Variants in ZNF232 observed in about 807,000 individuals in gnomAD.
ZNF232 encodes the protein zinc finger and SCAN domain-containing protein 11.
Under a neutral mutation model 25.2 loss-of-function variants are expected in ZNF232, and 25 were observed. The observed-to-expected ratio is 0.99, with a 90% CI of 0.72 to 1.39. The LOEUF is 1.39. Among genes scored for constraint, ZNF232 ranks in the 40% most tolerant of loss-of-function variants. The pLI is 0.00. For synonymous variants in ZNF232, 193 were observed against 182.9 expected (o/e 1.06, Z -0.45); for missense variants, 519 against 520.9 (o/e 1.00, Z 0.04).
rs2143564834 is a variant in ZNF232 at position 5,106,348 on chromosome 17, G to GA, written c.783dup (p.Pro262SerfsTer24). On this transcript the variant is annotated frameshift_variant, in exon 4 of 4. Transcript: ENST00000575898. LOFTEE classifies it low-confidence loss of function (END_TRUNC). ...GACCACCTCAGTCTCTCCGCTTTGG[G>GA]ATTTCTCTGCTGCAGTTCTAAGGTA... 6.2e-7 allele frequency: 1 copy of GA among 1,614,170 alleles called. No individual in the cohort carries two copies. Among genetic ancestry groups the GA allele is most frequent in the East Asian group, 2.2e-5 (1 of 44,886 alleles).
exon 4 of ZNF232, chr17:5,105,819 T>G: frequency 6.4e-7 from 1 of 1,569,102 alleles, no homozygotes; most frequent in South Asian, 1.2e-5. Context: ...GTTCTCCCCT[T>G]CAATTCAATG....
upstream of ZNF232, among the ~76,000 whole-genome samples, chr17:5,115,546 G>A (rs1181581702): frequency 1.6e-5 from 1 of 61,300 alleles, no homozygotes; most frequent in Non-Finnish European, 2.9e-5. Context: ...GCAAGACTCC[G>A]TCTCCAAAAA....
chr17:5,120,909 G>C (rs2072641186), intron 1 of ZNF232: 1 of 454,530 alleles, frequency 2.2e-6, no homozygotes, highest in South Asian at 1.6e-5. Flanking sequence ...GAAACCAGTT[G>C]GACCAGCCCC....
intron 1 of ZNF232, among the ~76,000 whole-genome samples, chr17:5,117,248 G>T (rs934476587): frequency 3.5e-4 from 54 of 152,152 alleles, no homozygotes; most frequent in African/African-American, 1.3e-3. Context: ...CTGGGCGAGG[G>T]GGCTCAAGCC....
chr17:5,118,516 G>A (rs1033412142), intron 1 of ZNF232, among the ~76,000 whole-genome samples: 4 of 152,212 alleles, frequency 2.6e-5, no homozygotes, highest in African/African-American at 9.7e-5. Flanking sequence ...CTCTCTTAGC[G>A]CCACTGTTTG....
chr17:5,122,158 G>A (rs1431931200), intron 1 of ZNF232, among the ~76,000 whole-genome samples: 2 of 151,940 alleles, frequency 1.3e-5, no homozygotes, highest in Non-Finnish European at 2.9e-5. Flanking sequence ...GGTGGCAGGG[G>A]AAGGAAGGTG....
intron 1 of ZNF232, among the ~76,000 whole-genome samples, chr17:5,122,520 T>A (rs1221132111): frequency 6.6e-6 from 1 of 152,208 alleles, no homozygotes; most frequent in Non-Finnish European, 1.5e-5. Flanking sequence ...GGCGGTCCTC[T>A]TAGTTCCTTG....
chr17:5,114,871 G>T (rs2072492344), upstream of ZNF232: 1 of 152,272 alleles, frequency 6.6e-6, no homozygotes, highest in Admixed American at 6.5e-5. Flanking sequence ...AGGGCTTTGG[G>T]TCCCTCTCTC....
At chr17:5,106,629 A>C in intron 3 of ZNF232, 96 bp from the exon 4 acceptor site, 2 of 1,064,538 alleles carry the variant, frequency 1.9e-6, no homozygotes, top group Non-Finnish European at 2.7e-6. Context: ...AAACATTCGA[A>C]GAATATTTAC....
chr17:5,116,146 C>T (rs1335918626), upstream of ZNF232, among the ~76,000 whole-genome samples: 1 of 152,254 alleles, frequency 6.6e-6, no homozygotes, highest in African/African-American at 2.4e-5. Flanking sequence ...TCGACGCTAC[C>T]TTGGCGGCCG....
upstream of ZNF232, chr17:5,114,717 C>G (rs573927875): frequency 6.6e-6 from 1 of 152,272 alleles, no homozygotes; most frequent in African/African-American, 2.4e-5. Context: ...GTAATCCCAG[C>G]TAATTGGGAG....
At chr17:5,115,508 G>A (rs1469772303), upstream of ZNF232, among the ~76,000 whole-genome samples, 2 of 151,290 alleles carry the variant, frequency 1.3e-5, no homozygotes. Context: ...CCGAGATGGC[G>A]CCACTGCACT....
exon 2 of ZNF232, chr17:5,109,540 T>A: frequency 6.2e-7 from 1 of 1,614,192 alleles, no homozygotes; most frequent in Non-Finnish European, 8.5e-7. Flanking sequence ...AACTCCAGGA[T>A]CTGCTCCTTC....
At chr17:5,117,433 T>G (rs1035121778) in intron 1 of ZNF232, among the ~76,000 whole-genome samples, 1 of 151,184 alleles carries the variant, frequency 6.6e-6, no homozygotes, top group Admixed American at 6.6e-5. Flanking sequence ...GGAGAATCAC[T>G]TGAACCCGGG....
chr17:5,106,113 T>C, exon 4 of ZNF232: 2 of 1,614,248 alleles, frequency 1.2e-6, no homozygotes, highest in Non-Finnish European at 1.7e-6. Flanking sequence ...AATTCTCTGA[T>C]GCTGACCGAG....
intron 3 of ZNF232, among the ~76,000 whole-genome samples, chr17:5,107,684 G>A (rs150500739): frequency 6.8e-4 from 103 of 151,790 alleles, no homozygotes; most frequent in African/African-American, 2.3e-3. Context: ...GATTACAGGC[G>A]CGTATCACAC....
At chr17:5,116,079 C>G (rs1442436117), upstream of ZNF232, among the ~76,000 whole-genome samples, 1 of 152,210 alleles carries the variant, frequency 6.6e-6, no homozygotes, top group East Asian at 1.9e-4. Context: ...CGCCCAGCTC[C>G]AAATGCGTGG....
At chr17:5,114,665 A>T (rs2072488344), upstream of ZNF232, 1 of 152,242 alleles carries the variant, frequency 6.6e-6, no homozygotes, top group South Asian at 2.1e-4. Flanking sequence ...GCCCCTCTCT[A>T]CTAAAAATAC....
chr17:5,115,823 C>T (rs2072521986), upstream of ZNF232, among the ~76,000 whole-genome samples: 1 of 152,222 alleles, frequency 6.6e-6, no homozygotes, highest in Admixed American at 6.5e-5. Flanking sequence ...ACTGGCGGTC[C>T]AGCCTCCCGG....
Sources: allele counts gnomAD v4.1 joint callset (sites outside exome capture counted in the v4.1 genomes callset), GRCh38; gene constraint gnomAD v4.1.1; transcripts MANE v1.5; gene names NCBI Gene and HGNC (gene_info 2026-07-23, HGNC 2026-07-21).